Variants in CORO1A observed in about 807,000 individuals in gnomAD.
CORO1A encodes the protein coronin 1A.
CORO1A carries 17 observed loss-of-function variants against 44.1 expected under a neutral mutation model. The observed-to-expected ratio is 0.39, with a 90% CI of 0.26 to 0.58. The LOEUF (loss-of-function observed/expected upper bound fraction) is 0.58, where lower values mean the gene tolerates loss of function less well. Among genes scored for constraint, CORO1A ranks in the 20% least tolerant of loss-of-function variants. CORO1A has a pLI of 0.62. For missense variants in CORO1A, 415 were observed against 606.5 expected (o/e 0.68, Z 3.32); for synonymous variants, 271 against 244.2 (o/e 1.11, Z -1.02).
rs992064520 is a variant in CORO1A at position 30,183,742 on chromosome 16, G to A, written c.-2+17G>A. 3.9e-5 allele frequency: 6 copies of A among 152,184 alleles called. No homozygotes were observed. The highest frequency in any genetic ancestry group is 1.4e-4 in the African/African-American group (6 of 41,402). The allele number at this position is 152,184 out of a possible 1,614,324, so 9.4% of individuals were successfully genotyped here. On this transcript the variant is annotated intron_variant, in intron 1 of 10. Coordinates refer to ENST00000219150, the MANE Select transcript of CORO1A (RefSeq NM_007074.4). The surrounding 1 kb of genome is among the most constrained non-coding windows in gnomAD (Gnocchi z 5.0). ...CGGCAGCAGGTGAGGCTGGGCCTGG[G>A]AGGCGCGGGTGGGCCGGGGCGAGGG...
rs2073358761 is a variant in CORO1A, at chr16:30,187,717, G to C, written c.757-8G>C. 1.2e-6 allele frequency: 2 copies of C among 1,602,360 alleles called. No individual in the cohort carries two copies. The highest frequency in any genetic ancestry group is 1.7e-6 in the Non-Finnish European group (2 of 1,170,598). ...GCCTGGGATGTTACCTCTCACCTGT[G>C]TCTACAGAAGCACCTGGAGGAGCCG... On this transcript the variant is annotated splice_polypyrimidine_tract_variant and splice_region_variant and intron_variant, in intron 6 of 10. Coordinates refer to ENST00000219150, the MANE Select transcript of CORO1A (RefSeq NM_007074.4).
chr16:30,187,402 G>T lies in CORO1A; in HGVS notation c.657G>T (p.Glu219Asp), dbSNP rs1257621712. Reference sequence around the variant, plus strand: ...TGCAGGAGAAGGACCGTCCCCACGAGGGGACCCGGCCCGTGCGTGCAGTGT... The same window carrying T: ...TGCAGGAGAAGGACCGTCCCCACGATGGGACCCGGCCCGTGCGTGCAGTGT... ...TVVAEKDRPH[E>D]GTRPVRAVFV... is the part of the protein sequence containing the mutation. Residue 219 changes from glutamate (E) to aspartate (D), a missense_variant, in exon 6 of 11, where the codon GAG becomes GAT. This residue lies in a region of CORO1A where 325 missense variants were observed against 521.7 expected (regional missense o/e 0.62). Transcript: ENST00000219150. 3 of 1,611,078 alleles carry T rather than the reference G, an allele frequency of 1.9e-6. No homozygotes were observed.
In CORO1A at chr16:30,186,867, G is replaced by T. The variant is rs143294920; in HGVS notation, c.373G>T (p.Val125Phe). The T allele has an allele frequency of 5.6e-6, 9 of 1,612,058 alleles. No individual in the cohort carries two copies. The highest frequency in any genetic ancestry group is 1.7e-4 in the Middle Eastern group (1 of 6,032). ...GLMLPLREPVVTLEGHTKRVG... is the reference protein window; with the variant it reads ...GLMLPLREPVFTLEGHTKRVG... ...GATGCTGCCCCTGCGGGAGCCCGTC[G>T]TCACCCTGGAGGGCCACACCAAGCG... Residue 125 changes from valine to phenylalanine, a missense_variant, in exon 4 of 11, where the codon GTC (valine) becomes TTC (phenylalanine). Around this residue, in one of 2 missense-constraint regions of CORO1A, gnomAD observed 325 missense variants for 521.7 expected, o/e 0.62. Transcript: ENST00000219150.
At chr16:30,186,129 G>C (rs974603041) in intron 2 of CORO1A, 2 of 247,384 alleles carry the variant, frequency 8.1e-6, no homozygotes, top group Non-Finnish European at 1.6e-5. Flanking sequence ...CCTGCCTGGG[G>C]CCAGTTGGGA....
At chr16:30,187,865 G>GGGGGCCGGGGGC in intron 7 of CORO1A, 36 bp downstream of exon 7, 1 of 513,370 alleles carries the variant, frequency 1.9e-6, no homozygotes, top group Non-Finnish European at 3.6e-6. Flanking sequence ...TGGGAGGTGG[G>GGGGGCCGGGGGC]CAGGATGGGC....
chr16:30,186,173 C>A, intron 2 of CORO1A: 1 of 289,384 alleles, frequency 3.5e-6, no homozygotes. Flanking sequence ...TTGGGAGGAC[C>A]CACCCCTGCA....
chr16:30,188,273 G>C (rs927978067), intron 9 of CORO1A, 24 bp downstream of exon 9: 1 of 1,613,348 alleles, frequency 6.2e-7, no homozygotes, highest in African/African-American at 1.3e-5. Context: ...GCCCCACCCT[G>C]GGCTCCAGGC....
chr16:30,188,540 G>A lies in CORO1A; in HGVS notation c.1245G>A (p.Arg415=). Residue 415 remains arginine, a synonymous_variant, in exon 10 of 11, where the codon AGG becomes AGA. Coordinates refer to ENST00000219150, the MANE Select transcript of CORO1A (RefSeq NM_007074.4). ...ACCGGGGCCTGGACACCGGGCGCAG[G>A]AGGGCAGCACCAGAGGCCAGTGGCA... ...RVNRGLDTGR[R]RAAPEASGTP... 2 of 1,611,338 alleles carry A rather than the reference G, an allele frequency of 1.2e-6. No individual in the cohort carries two copies. The highest frequency in any genetic ancestry group is 1.7e-6 in the Non-Finnish European group (2 of 1,179,442).
intron 1 of CORO1A, 37 bp from the exon 2 acceptor site, chr16:30,185,172 C>T (rs767148783): frequency 6.2e-7 from 1 of 1,607,584 alleles, no homozygotes; most frequent in Non-Finnish European, 8.5e-7. Flanking sequence ...CAGAGTTGAC[C>T]TGAAGGGAGA....
rs761530908 is a variant in CORO1A, at chr16:30,186,807, C to T, written c.322-9C>T. The T allele has an allele frequency of 1.1e-5, 17 of 1,610,158 alleles. No individual in the cohort carries two copies. The South Asian group carries it at 1.8e-4, about 17-fold the overall frequency. ...GAGTCCTGAAGACTCACTGGCCCCT[C>T]CTCTGCAGGTGTGGGAGATCCCAGA... On this transcript the variant is annotated splice_polypyrimidine_tract_variant and intron_variant, in intron 3 of 10. Transcript: ENST00000219150.
Position 30,185,318 on chromosome 16 carries a change from A to G in CORO1A, c.109A>G (p.Ser37Gly). Reference sequence around the variant, plus strand: ...GCGCGTCTCACAGACCACCTGGGACAGTGGCTTCTGTGCTGTCAACCCTAA... The same window carrying G: ...GCGCGTCTCACAGACCACCTGGGACGGTGGCTTCTGTGCTGTCAACCCTAA... ...DVRVSQTTWD[S>G]GFCAVNPKFV... The change falls in exon 2 of 11, where the codon AGT (serine) becomes GGT (glycine). Residue 37 changes from serine to glycine, a missense_variant. Transcript: ENST00000219150. 2 of 1,614,226 alleles carry G rather than the reference A, an allele frequency of 1.2e-6. No individual in the cohort carries two copies. The highest frequency in any genetic ancestry group is 1.7e-6 in the Non-Finnish European group (2 of 1,180,040).
Position 30,187,040 on chromosome 16 carries a change from T to C in CORO1A, c.453T>C (p.Gly151=). The C allele has an allele frequency of 6.2e-7, 1 of 1,613,882 alleles. No homozygotes were observed. The highest frequency in any genetic ancestry group is 8.5e-7 in the Non-Finnish European group (1 of 1,179,968). The change falls in exon 5 of 11, where the codon GGT becomes GGC. Residue 151 remains glycine (G), a splice_region_variant and synonymous_variant. Transcript: ENST00000219150. The part of the protein sequence containing the change: ...TTAQNVLLSA[G]CDNVIMVWDV... ...TCTGACACTGTGGGGAACGTGCAGGTTGTGACAACGTGATCATGGTGTGGG... is the reference window on the plus strand; with the variant it reads ...TCTGACACTGTGGGGAACGTGCAGGCTGTGACAACGTGATCATGGTGTGGG...
rs1596919903 is a variant in CORO1A, at chr16:30,187,519, A to G, written c.756+18A>G. ...GGGACACAGTGAGTGCTGGGGCAGG[A>G]AGCCGAGGGCCCCCAGGCTGGGAAC... On this transcript the variant is annotated intron_variant, in intron 6 of 10. Coordinates refer to ENST00000219150, the MANE Select transcript of CORO1A (RefSeq NM_007074.4). 1 of 1,598,196 alleles carries G rather than the reference A, an allele frequency of 6.3e-7. No homozygotes were observed. The highest frequency in any genetic ancestry group is 8.5e-7 in the Non-Finnish European group (1 of 1,178,340).
chr16:30,185,626 A>G, intron 2 of CORO1A: 1 of 597,718 alleles, frequency 1.7e-6, no homozygotes, highest in Non-Finnish European at 3.0e-6. Flanking sequence ...GGGTCACACC[A>G]GTGACCAGGA....
intron 8 of CORO1A, 22 bp from the exon 9 acceptor site, chr16:30,188,170 G>A (rs750728657): frequency 3.7e-6 from 6 of 1,613,928 alleles, no homozygotes; most frequent in East Asian, 2.2e-5. Flanking sequence ...TGTGGGCCCC[G>A]CTCACCTTCC....
chr16:30,187,842 G>T lies in CORO1A; in HGVS notation c.861+13G>T. 6.3e-7 allele frequency: 1 copy of T among 1,580,968 alleles called. No homozygotes were observed. Among genetic ancestry groups the T allele is most frequent in the Non-Finnish European group, 8.7e-7 (1 of 1,152,406 alleles). ...CCTCTGTGGCAAGGTGGCCTCGTCG[G>T]GCGGGGTGGGGGTGGGAGGTGGGCA... On this transcript the variant is annotated intron_variant, in intron 7 of 10. Transcript: ENST00000219150.
intron 2 of CORO1A, 119 bp downstream of exon 2, chr16:30,185,526 G>A: frequency 2.3e-6 from 2 of 856,440 alleles, no homozygotes; most frequent in Admixed American, 2.4e-5. Flanking sequence ...CTGGAAAACT[G>A]AGCTGGGCCC....
intron 2 of CORO1A, chr16:30,185,810 C>A: frequency 3.8e-6 from 1 of 265,944 alleles, no homozygotes; most frequent in Non-Finnish European, 7.4e-6. Flanking sequence ...CTCTGTCCCC[C>A]AGCTCGCAGG....
chr16:30,185,887 C>G (rs2073327729), intron 2 of CORO1A: 2 of 217,890 alleles, frequency 9.2e-6, no homozygotes, highest in Non-Finnish European at 1.9e-5. Context: ...CTGCTGCCCC[C>G]TCCGCTGGCT....
Sources: gnomAD v4.1 joint callset for allele counts on GRCh38, gnomAD v4.1.1 for gene constraint, gnomAD v4.1.1 regional missense constraint, Gnocchi (gnomAD v3.1) non-coding constraint, MANE v1.5 for transcripts, NCBI Gene and HGNC (gene_info 2026-07-23, HGNC 2026-07-21) for gene names.